Variants in SLC24A3 observed in about 807,000 individuals in gnomAD.
SLC24A3 encodes the protein solute carrier family 24 member 3.
In SLC24A3, 28 loss-of-function variants were observed where a neutral mutation model predicts 75.8. That is an observed-to-expected ratio of 0.37 (90% CI 0.27 to 0.51). The LOEUF is 0.51. SLC24A3 is among the 20% of genes least tolerant of loss of function. SLC24A3 has a pLI of 0.94. For synonymous variants in SLC24A3, 372 were observed against 334.1 expected, an observed-to-expected ratio of 1.11 and a Z score of -1.24; for missense variants, 663 against 847.8, an observed-to-expected ratio of 0.78 and a Z score of 2.71.
chr20:19,700,661 G>T (rs948702618), intron 15 of SLC24A3, among the ~76,000 whole-genome samples: 3 of 152,122 alleles, frequency 2.0e-5, no homozygotes, highest in African/African-American at 7.2e-5. Flanking sequence ...AGGTTACTTT[G>T]TATAGCAAAG....
chr20:19,307,459 G>A (rs1984359614), intron 2 of SLC24A3, among the ~76,000 whole-genome samples: 2 of 152,292 alleles, frequency 1.3e-5, no homozygotes, highest in South Asian at 2.1e-4. Context: ...AAGATAAAAC[G>A]TTTTTAAAAA....
At chr20:19,667,348 A>G (rs924883355) in intron 8 of SLC24A3, among the ~76,000 whole-genome samples, 1 of 152,128 alleles carries the variant, frequency 6.6e-6, no homozygotes, top group African/African-American at 2.4e-5. Context: ...AGATCAGAGA[A>G]CCTCCTTGTT....
intron 6 of SLC24A3, among the ~76,000 whole-genome samples, chr20:19,596,092 T>C (rs914203408): frequency 6.6e-6 from 1 of 151,988 alleles, no homozygotes; most frequent in Admixed American, 6.6e-5. Flanking sequence ...TATGGGTGCA[T>C]TGGGAAGCTA....
chr20:19,365,970 C>T (rs567551167), intron 2 of SLC24A3, among the ~76,000 whole-genome samples: 29 of 152,176 alleles, frequency 1.9e-4, no homozygotes, highest in Middle Eastern at 6.8e-3. Context: ...ATTCAAACTT[C>T]GCAAGTCTTA....
intron 2 of SLC24A3, among the ~76,000 whole-genome samples, chr20:19,300,825 C>T (rs555642237): frequency 2.6e-5 from 4 of 152,202 alleles, no homozygotes; most frequent in East Asian, 1.9e-4. Context: ...CCAGCTGTTT[C>T]GCCCTCAACA....
intron 2 of SLC24A3, among the ~76,000 whole-genome samples, chr20:19,471,718 A>G (rs950418584): frequency 7.2e-5 from 11 of 152,080 alleles, no homozygotes; most frequent in African/African-American, 9.7e-5. Flanking sequence ...GAAAGTGTGT[A>G]GTAGATAGAG....
intron 6 of SLC24A3, among the ~76,000 whole-genome samples, chr20:19,595,993 G>T (rs1248319495): frequency 6.6e-6 from 1 of 152,186 alleles, no homozygotes; most frequent in Non-Finnish European, 1.5e-5. Context: ...CCAGTTTGGA[G>T]CCTGGTGAAG....
chr20:19,351,627 C>T (rs1348423334), intron 2 of SLC24A3, among the ~76,000 whole-genome samples: 1 of 152,166 alleles, frequency 6.6e-6, no homozygotes, highest in Non-Finnish European at 1.5e-5. Flanking sequence ...GGACTCCTTT[C>T]CTGGGGTATC....
intron 2 of SLC24A3, among the ~76,000 whole-genome samples, chr20:19,410,198 C>T (rs916939741): frequency 2.0e-5 from 3 of 152,162 alleles, no homozygotes; most frequent in South Asian, 4.1e-4. Context: ...TATCAAACTC[C>T]TCATTAGAGG....
intron 3 of SLC24A3, among the ~76,000 whole-genome samples, chr20:19,569,263 C>T (rs979116764): frequency 1.3e-5 from 2 of 152,182 alleles, no homozygotes; most frequent in Non-Finnish European, 2.9e-5. Flanking sequence ...TGTCCTGATG[C>T]TTTGCACGTA....
At chr20:19,543,066 G>A (rs941401452) in intron 3 of SLC24A3, among the ~76,000 whole-genome samples, 6 of 152,180 alleles carry the variant, frequency 3.9e-5, no homozygotes, top group Non-Finnish European at 5.9e-5. Flanking sequence ...GTACACATGG[G>A]ATTTTTATTA....
chr20:19,524,181 T>C (rs2030154999), intron 3 of SLC24A3, among the ~76,000 whole-genome samples: 1 of 152,086 alleles, frequency 6.6e-6, no homozygotes, highest in African/African-American at 2.4e-5. Flanking sequence ...CTGACTCACT[T>C]CCCTGCTCCT....
chr20:19,399,732 A>C lies in SLC24A3; in HGVS notation c.272-115756A>C, dbSNP rs1267367152. Reference sequence around the variant, plus strand: ...AGAACATGCTTTCTGCTGTTGTTGGATGGAGTGTTTTGTAACTGTCAATTT... The same window carrying C: ...AGAACATGCTTTCTGCTGTTGTTGGCTGGAGTGTTTTGTAACTGTCAATTT... On this transcript the variant is annotated intron_variant, in intron 2 of 16. Coordinates refer to ENST00000328041, the MANE Select transcript of SLC24A3 (RefSeq NM_020689.4). Among the ~76,000 whole-genome samples, 3 of 152,150 alleles carry C rather than the reference A, an allele frequency of 2.0e-5. 1 individual carries two copies. The highest frequency in any genetic ancestry group is 2.0e-4 in the Admixed American group (3 of 15,264).
chr20:19,401,943 G>A (rs1986558883), intron 2 of SLC24A3, among the ~76,000 whole-genome samples: 1 of 152,144 alleles, frequency 6.6e-6, no homozygotes, highest in Admixed American at 6.5e-5. Context: ...TCACTTCACT[G>A]TCTCATTTCT....
Position 19,666,941 on chromosome 20 carries a change from C to T in SLC24A3, c.713+1052C>T, listed in dbSNP as rs77414438. ...TTGTGCATTCTCGTTACATATTTTCCGAATATTTGATCTACAGAGGTAAGC... is the reference window on the plus strand; with the variant it reads ...TTGTGCATTCTCGTTACATATTTTCTGAATATTTGATCTACAGAGGTAAGC... On this transcript the variant is annotated intron_variant, in intron 8 of 16. Coordinates refer to ENST00000328041, the MANE Select transcript of SLC24A3 (RefSeq NM_020689.4). 5.1e-4 allele frequency among the ~76,000 whole-genome samples: 77 copies of T among 152,174 alleles called. 1 individual carries two copies. The East Asian group carries it at 0.014, about 28-fold the overall frequency.
At chr20:19,698,388 C>T (rs2032834847) in intron 14 of SLC24A3, among the ~76,000 whole-genome samples, 180 bp from the exon 15 acceptor site, 2 of 152,228 alleles carry the variant, frequency 1.3e-5, no homozygotes, top group Admixed American at 6.5e-5. Flanking sequence ...TTCAATAGAA[C>T]GTGTGTTTCT....
intron 4 of SLC24A3, among the ~76,000 whole-genome samples, chr20:19,583,517 A>C (rs983571933): frequency 6.6e-6 from 1 of 152,066 alleles, no homozygotes; most frequent in East Asian, 1.9e-4. Context: ...GTCCTGTGAG[A>C]TATTGCCAGG....
chr20:19,425,056 G>A (rs889159369), intron 2 of SLC24A3, among the ~76,000 whole-genome samples: 1 of 152,132 alleles, frequency 6.6e-6, no homozygotes, highest in Non-Finnish European at 1.5e-5. Flanking sequence ...TGTAATCCCA[G>A]CACTTTGGGA....
chr20:19,497,062 C>T (rs758755918), intron 2 of SLC24A3, among the ~76,000 whole-genome samples: 3 of 152,108 alleles, frequency 2.0e-5, no homozygotes, highest in African/African-American at 4.8e-5. Context: ...GGGGTACCAG[C>T]GATTTGCCCC....
Sources: allele counts gnomAD v4.1 joint callset (sites outside exome capture counted in the v4.1 genomes callset), GRCh38; gene constraint gnomAD v4.1.1; transcripts MANE v1.5; gene names NCBI Gene and HGNC (gene_info 2026-07-23, HGNC 2026-07-21).